Variants in SPOP observed in about 807,000 individuals in gnomAD.
The protein encoded by SPOP is speckle-type POZ protein.
Under a neutral mutation model 45.6 loss-of-function variants are expected in SPOP, and 11 were observed. The observed-to-expected ratio is 0.24, with a 90% CI of 0.15 to 0.40. The LOEUF is 0.40. Among genes scored for constraint, SPOP ranks in the 10% least tolerant of loss-of-function variants. The pLI is 1.00. For synonymous variants in SPOP, 166 were observed against 166.3 expected, an observed-to-expected ratio of 1.00 and a Z score of 0.01; for missense variants, 152 against 465.6, an observed-to-expected ratio of 0.33 and a Z score of 6.20.
At chr17:49,641,319 C>A (rs1317244535) in intron 1 of SPOP, among the ~76,000 whole-genome samples, 1 of 146,008 alleles carries the variant, frequency 6.8e-6, no homozygotes, top group Non-Finnish European at 1.5e-5. Context: ...AACCACAATC[C>A]TATTCCTGCT....
intron 1 of SPOP, among the ~76,000 whole-genome samples, chr17:49,660,919 T>C (rs1229385021): frequency 6.6e-6 from 1 of 152,216 alleles, no homozygotes; most frequent in African/African-American, 2.4e-5. Flanking sequence ...TGAGCTGAGA[T>C]TGCGCCACTG....
intron 1 of SPOP, among the ~76,000 whole-genome samples, chr17:49,672,930 G>A (rs781306382): frequency 2.6e-5 from 4 of 151,800 alleles, no homozygotes; most frequent in Non-Finnish European, 5.9e-5. Context: ...CTAGGCGACA[G>A]AGTGAAACTC....
At chr17:49,662,904 T>C (rs560043719) in intron 1 of SPOP, among the ~76,000 whole-genome samples, 3 of 152,324 alleles carry the variant, frequency 2.0e-5, no homozygotes, top group African/African-American at 4.8e-5. Context: ...CTTAAGGTTA[T>C]GGTTCTCAAA....
At chr17:49,604,756 T>C (rs943843954) in intron 8 of SPOP, among the ~76,000 whole-genome samples, 1 of 152,206 alleles carries the variant, frequency 6.6e-6, no homozygotes. Flanking sequence ...CCACAGGTCA[T>C]GTTTCCACAG....
chr17:49,635,417 C>T (rs576006793), intron 1 of SPOP, among the ~76,000 whole-genome samples: 1 of 152,210 alleles, frequency 6.6e-6, no homozygotes, highest in South Asian at 2.1e-4. Flanking sequence ...CCCAACATGA[C>T]TCTGACAAAA....
intron 1 of SPOP, among the ~76,000 whole-genome samples, chr17:49,633,400 A>C (rs1056778228): frequency 6.6e-6 from 1 of 152,188 alleles, no homozygotes; most frequent in African/African-American, 2.4e-5. Context: ...GGCAGTTTAC[A>C]GGCTTACTGC....
intron 1 of SPOP, among the ~76,000 whole-genome samples, chr17:49,649,231 TTTAA>T (rs2072805364): frequency 6.6e-6 from 1 of 152,196 alleles, no homozygotes. Context: ...TTTTGTTCTC[TTTAA>T]TTGATAGAAA....
chr17:49,622,558 A>C, intron 2 of SPOP, 175 bp downstream of exon 2: 1 of 613,546 alleles, frequency 1.6e-6, no homozygotes, highest in South Asian at 2.0e-5. Context: ...TAGGGAATTT[A>C]GATTCCACAT....
chr17:49,612,017 G>C (rs1241868115), intron 5 of SPOP, among the ~76,000 whole-genome samples: 4 of 151,740 alleles, frequency 2.6e-5, no homozygotes, highest in Non-Finnish European at 5.9e-5. Flanking sequence ...GGAGTAGCTG[G>C]GACTACAGGC....
chr17:49,675,111 T>C (rs989171027), intron 1 of SPOP, among the ~76,000 whole-genome samples: 3 of 152,194 alleles, frequency 2.0e-5, no homozygotes, highest in African/African-American at 7.2e-5. Context: ...CTAACAACAT[T>C]ACAAATGCAC....
chr17:49,621,867 T>C lies in SPOP; in HGVS notation c.200+79A>G, dbSNP rs974560702. ...AGTCCTGGCCTTCATGGAAATTACATTCTTGTCAGTGTCCCATAAAACCAA... is the reference window on the plus strand; with the variant it reads ...AGTCCTGGCCTTCATGGAAATTACACTCTTGTCAGTGTCCCATAAAACCAA... On this transcript the variant is annotated intron_variant, in intron 3 of 9. Coordinates refer to ENST00000504102, the MANE Select transcript of SPOP (RefSeq NM_001007228.2). The C allele has an allele frequency of 2.7e-6, 4 of 1,500,546 alleles. No homozygotes were observed. In the African/African-American group the frequency reaches 4.2e-5, roughly 16 times the overall value. The allele number at this position is 1,500,546 out of a possible 1,614,324, so 93.0% of individuals were successfully genotyped here.
chr17:49,629,215 C>T (rs967350347), intron 1 of SPOP, among the ~76,000 whole-genome samples: 1 of 151,886 alleles, frequency 6.6e-6, no homozygotes, highest in East Asian at 1.9e-4. Context: ...GCACTCCAGC[C>T]TGCAACACAG....
In SPOP at chr17:49,599,506, G is replaced by A. The variant is rs548782643; in HGVS notation, c.*872C>T. Reference sequence around the variant, plus strand: ...CTTTTGTTCTGTTTTTGTTTTGTGTGTTTTTTTTTTTGTTTGTTTTTTAGA... The same window carrying A: ...CTTTTGTTCTGTTTTTGTTTTGTGTATTTTTTTTTTTGTTTGTTTTTTAGA... On this transcript the variant is annotated 3_prime_UTR_variant, in exon 10 of 10. Coordinates refer to ENST00000504102, the MANE Select transcript of SPOP (RefSeq NM_001007228.2). 4.8e-4 allele frequency: 89 copies of A among 183,796 alleles called. No homozygotes were observed. The highest frequency in any genetic ancestry group is 2.1e-3 in the African/African-American group (80 of 37,416). 11.4% of individuals were successfully genotyped at this position (183,796 alleles called of 1,614,324 possible).
At chr17:49,608,161 C>T (rs999476828) in intron 6 of SPOP, among the ~76,000 whole-genome samples, 1 of 152,126 alleles carries the variant, frequency 6.6e-6, no homozygotes, top group African/African-American at 2.4e-5. Context: ...AATAACTTAT[C>T]GGCTCTACTC....
intron 1 of SPOP, among the ~76,000 whole-genome samples, chr17:49,662,395 T>C (rs1241457492): frequency 6.6e-6 from 1 of 152,150 alleles, no homozygotes; most frequent in Non-Finnish European, 1.5e-5. Flanking sequence ...AAAATGGTAA[T>C]TCCAGGCCAG....
At chr17:49,641,787 C>T (rs1055520641) in intron 1 of SPOP, among the ~76,000 whole-genome samples, 9 of 151,996 alleles carry the variant, frequency 5.9e-5, no homozygotes, top group East Asian at 1.9e-4. Flanking sequence ...TTTGGGAGGC[C>T]GAGGTGGGTG....
intron 1 of SPOP, among the ~76,000 whole-genome samples, chr17:49,626,687 A>G (rs1471598534): frequency 4.1e-5 from 6 of 147,470 alleles, no homozygotes; most frequent in South Asian, 4.3e-4. Context: ...GAGACAGAGG[A>G]AAAAAAAAAA....
intron 6 of SPOP, among the ~76,000 whole-genome samples, chr17:49,610,033 T>C (rs750313419): frequency 7.9e-5 from 12 of 152,144 alleles, no homozygotes; most frequent in Admixed American, 6.5e-4. Flanking sequence ...GGCCTCCTTT[T>C]CTCTTGGAGG....
intron 1 of SPOP, among the ~76,000 whole-genome samples, chr17:49,673,272 A>G (rs1201117084): frequency 1.3e-5 from 2 of 152,144 alleles, no homozygotes; most frequent in Non-Finnish European, 2.9e-5. Flanking sequence ...TTGGGAGGCC[A>G]AGGTGGGTGG....
Sources: gnomAD v4.1 joint callset for allele counts (sites outside exome capture counted in the v4.1 genomes callset) on GRCh38, gnomAD v4.1.1 for gene constraint, MANE v1.5 for transcripts, NCBI Gene and HGNC (gene_info 2026-07-23, HGNC 2026-07-21) for gene names.